AHCY: variants seen among roughly 807,000 people sequenced by gnomAD.
AHCY encodes the protein S-adenosyl-L-homocysteine hydrolase.
Under a neutral mutation model 45.4 loss-of-function variants are expected in AHCY, and 24 were observed. That is an observed-to-expected ratio of 0.53 (90% CI 0.38 to 0.74). The LOEUF is 0.74. AHCY is among the 30% of genes least tolerant of loss of function. AHCY has a pLI of 0.00. For synonymous variants in AHCY, 245 were observed against 235.1 expected (o/e 1.04, Z -0.39); for missense variants, 449 against 594.1 (o/e 0.76, Z 2.54).
chr20:34,268,833 G>A, the AHCY span, among the ~76,000 whole-genome samples: 1 of 152,134 alleles, frequency 6.6e-6, no homozygotes, highest in Non-Finnish European at 1.5e-5. Flanking sequence ...GGATGGAGGT[G>A]AGGGAATCTG....
chr20:34,246,623 AT>A, the AHCY span: 1 of 609,520 alleles, frequency 1.6e-6, no homozygotes, highest in East Asian at 3.2e-5. Context: ...TGCCTGACTA[AT>A]TTTTTGTATT....
At chr20:34,284,385 C>T (rs1170537825) in intron 9 of AHCY, among the ~76,000 whole-genome samples, 1 of 152,080 alleles carries the variant, frequency 6.6e-6, no homozygotes, top group Non-Finnish European at 1.5e-5. Flanking sequence ...TGGTCTCCAA[C>T]TTCTGACCTC....
intron 1 of AHCY, chr20:34,302,454 T>A: frequency 3.2e-6 from 1 of 312,290 alleles, no homozygotes; most frequent in Non-Finnish European, 4.7e-6. Context: ...TCTTGCTCCA[T>A]CACCACCAGC....
upstream of AHCY, among the ~76,000 whole-genome samples, chr20:34,306,479 G>A (rs116630845): frequency 5.5e-3 from 827 of 150,896 alleles, 9 homozygotes; most frequent in African/African-American, 0.019. Context: ...AGTGATTCTC[G>A]TACCTTAGCC....
chr20:34,290,787 G>T lies in AHCY; in HGVS notation c.710C>A (p.Ala237Asp), dbSNP rs775486731. 1 of 1,613,926 alleles carries T rather than the reference G, an allele frequency of 6.2e-7. No individual in the cohort carries two copies. Among genetic ancestry groups the T allele is most frequent in the Non-Finnish European group, 8.5e-7 (1 of 1,179,992 alleles). The change falls in exon 6 of 10, where the codon GCC becomes GAC. Residue 237 changes from alanine (A) to aspartate (D), a missense_variant. Transcript: ENST00000217426. This position sits in a 1 kb window ranked among gnomAD's most constrained non-coding sequence, Gnocchi z 4.5. ...GCAQALRGFG[A>D]RVIITEIDPI... ...GTCAATCTCGGTGATGATGACGCGG[G>T]CTCCGAAACCCCGCAGGGCCTGGGC... is the stretch of plus-strand genomic sequence containing the variant.
chr20:34,269,207 G>A, the AHCY span: 1 of 1,446,276 alleles, frequency 6.9e-7, no homozygotes, highest in Non-Finnish European at 9.1e-7. Flanking sequence ...GGGCTTCGGG[G>A]ACGCGGGGCG....
chr20:34,290,669 A>G lies in AHCY; in HGVS notation c.767-31T>C, dbSNP rs747146149. 1.5e-5 allele frequency: 25 copies of G among 1,613,792 alleles called. No individual in the cohort carries two copies. The highest frequency in any genetic ancestry group is 1.6e-4 in the Middle Eastern group (1 of 6,084). On this transcript the variant is annotated intron_variant, in intron 6 of 9. Transcript: ENST00000217426. The surrounding 1 kb of genome is among the most constrained non-coding windows in gnomAD (Gnocchi z 4.5). ...CAGAGACAGTGGCTGTGGGTCATCT[A>G]CGGTGGCCTTGCCCCTCCCTCTGGC...
chr20:34,310,148 G>A (rs1422132398), intron 1 of AHCY, among the ~76,000 whole-genome samples: 1 of 152,086 alleles, frequency 6.6e-6, no homozygotes, highest in Non-Finnish European at 1.5e-5. Flanking sequence ...CCACCTCCCA[G>A]GTTCAAGCGA....
At chr20:34,262,484 C>T in the AHCY span, among the ~76,000 whole-genome samples, 5 of 152,160 alleles carry the variant, frequency 3.3e-5, no homozygotes, top group Admixed American at 1.3e-4. Context: ...CTGTGCCTGC[C>T]ACAATGGAGA....
At chr20:34,249,809 C>T in the AHCY span, among the ~76,000 whole-genome samples, 1 of 152,130 alleles carries the variant, frequency 6.6e-6, no homozygotes, top group African/African-American at 2.4e-5. Context: ...TTTTTCAGGG[C>T]CAGAGAACCC....
At chr20:34,268,572 A>G in the AHCY span, among the ~76,000 whole-genome samples, 1 of 151,966 alleles carries the variant, frequency 6.6e-6, no homozygotes, top group Admixed American at 6.6e-5. Context: ...CATAGAAAAT[A>G]AAATAAAAAT....
chr20:34,234,069 G>C, the AHCY span, among the ~76,000 whole-genome samples: 1 of 152,176 alleles, frequency 6.6e-6, no homozygotes, highest in Non-Finnish European at 1.5e-5. Flanking sequence ...GTTGATGATG[G>C]TGTCACCATG....
intron 8 of AHCY, among the ~76,000 whole-genome samples, chr20:34,287,354 G>C (rs950035170): frequency 1.3e-5 from 2 of 151,622 alleles, no homozygotes; most frequent in Admixed American, 6.6e-5. Context: ...AGAGGAGCTG[G>C]CCAGGAAGGG....
rs1384447191 is a variant in AHCY, at chr20:34,290,484, G to A, written c.855-35C>T. 1 of 1,613,896 alleles carries A rather than the reference G, an allele frequency of 6.2e-7. No homozygotes were observed. Among genetic ancestry groups the A allele is most frequent in the Non-Finnish European group, 8.5e-7 (1 of 1,179,810 alleles). ...AGCCCAAGACCGTGGGAGATTGTCAGGGACAGAAAGCTGTCCCAACTCTGC... is the reference window on the plus strand; with the variant it reads ...AGCCCAAGACCGTGGGAGATTGTCAAGGACAGAAAGCTGTCCCAACTCTGC... On this transcript the variant is annotated intron_variant, in intron 7 of 9. Transcript: ENST00000217426. This position sits in a 1 kb window ranked among gnomAD's most constrained non-coding sequence, Gnocchi z 4.5.
chr20:34,302,089 C>G (rs1359961902), intron 1 of AHCY: 1 of 663,052 alleles, frequency 1.5e-6, no homozygotes, highest in Non-Finnish European at 1.9e-6. Context: ...CAACCTCCGT[C>G]TCCCCGGCTC....
At chr20:34,233,911 A>G in the AHCY span, among the ~76,000 whole-genome samples, 1 of 152,238 alleles carries the variant, frequency 6.6e-6, no homozygotes, top group African/African-American at 2.4e-5. Context: ...ACCAGGAGCC[A>G]GTCAACACTC....
chr20:34,239,828 C>T, the AHCY span, among the ~76,000 whole-genome samples: 2 of 152,192 alleles, frequency 1.3e-5, no homozygotes, highest in Admixed American at 6.5e-5. Context: ...CACTCTTCTG[C>T]ACCCATCACC....
At chr20:34,291,738 G>A (rs1256641426) in intron 4 of AHCY, among the ~76,000 whole-genome samples, 1 of 152,116 alleles carries the variant, frequency 6.6e-6, no homozygotes, top group Non-Finnish European at 1.5e-5. Flanking sequence ...TAGTGACTCT[G>A]CCTCCGAACA....
chr20:34,289,475 T>C (rs1221101648), intron 8 of AHCY, among the ~76,000 whole-genome samples: 30 of 140,442 alleles, frequency 2.1e-4, no homozygotes, highest in African/African-American at 6.5e-4. Context: ...ACCTGGCCTT[T>C]TTTTTTTTTT....
Sources: allele counts gnomAD v4.1 joint callset (sites outside exome capture counted in the v4.1 genomes callset), GRCh38; gene constraint gnomAD v4.1.1; non-coding constraint Gnocchi (gnomAD v3.1); transcripts MANE v1.5; gene names NCBI Gene and HGNC (gene_info 2026-07-23, HGNC 2026-07-21).